The following SHOC1 variants were observed in gnomAD, a reference collection of about 807,000 sequenced individuals.
SHOC1 encodes the protein protein shortage in chiasmata 1 ortholog.
Under a neutral mutation model 179.2 loss-of-function variants are expected in SHOC1, and 136 were observed. The observed-to-expected ratio is 0.76, with a 90% confidence interval of 0.66 to 0.87. The LOEUF is 0.87. Among genes scored for constraint, SHOC1 ranks in the 40% least tolerant of loss-of-function variants. The pLI, the probability that SHOC1 is intolerant of heterozygous loss-of-function variation, is 0.00. For missense variants in SHOC1, 1,538 were observed against 1,700.8 expected (o/e 0.90, Z 1.68); for synonymous variants, 489 against 586.6 (o/e 0.83, Z 2.41).
chr9:111,721,697 A>G (rs2131410641), intron 15 of SHOC1, among the ~76,000 whole-genome samples: 1 of 152,322 alleles, frequency 6.6e-6, no homozygotes, highest in Non-Finnish European at 1.5e-5. Flanking sequence ...GAGGCTCTGC[A>G]CAATTCTATA....
intron 21 of SHOC1, among the ~76,000 whole-genome samples, chr9:111,704,222 GCACGTAA>G (rs1270422502): frequency 3.9e-5 from 6 of 152,118 alleles, no homozygotes; most frequent in African/African-American, 1.4e-4. Context: ...AAATGTTACT[GCACGTAA>G]CACTATTACA....
intron 12 of SHOC1, among the ~76,000 whole-genome samples, chr9:111,730,455 G>A (rs544282043): frequency 1.3e-5 from 2 of 152,322 alleles, no homozygotes; most frequent in South Asian, 4.1e-4. Flanking sequence ...GCTGCAGAAT[G>A]GATGTTGTGT....
intron 12 of SHOC1, among the ~76,000 whole-genome samples, chr9:111,733,453 T>C (rs1182256867): frequency 6.6e-6 from 1 of 152,232 alleles, no homozygotes; most frequent in Non-Finnish European, 1.5e-5. Flanking sequence ...GTCTGTCTAA[T>C]GTGGTAAGCT....
At chr9:111,711,370 G>A (rs1832541691) in intron 18 of SHOC1, among the ~76,000 whole-genome samples, 1 of 152,094 alleles carries the variant, frequency 6.6e-6, no homozygotes, top group African/African-American at 2.4e-5. Context: ...TGGGAAGACG[G>A]GATGAGGCCT....
chr9:111,694,422 T>C (rs1831597837), intron 24 of SHOC1, 60 bp from the exon 25 acceptor site: 1 of 1,254,186 alleles, frequency 8.0e-7, no homozygotes, highest in South Asian at 1.4e-5. Context: ...TATAATATTT[T>C]TTAAACAGTT....
At chr9:111,717,607 A>G (rs1206729222) in intron 16 of SHOC1, among the ~76,000 whole-genome samples, 1 of 152,104 alleles carries the variant, frequency 6.6e-6, no homozygotes, top group Non-Finnish European at 1.5e-5. Flanking sequence ...AAAAAAAAAA[A>G]AAAAGTCTAA....
At chr9:111,688,119 C>T (rs2131298301) in intron 27 of SHOC1, among the ~76,000 whole-genome samples, 1 of 152,258 alleles carries the variant, frequency 6.6e-6, no homozygotes, top group East Asian at 1.9e-4. Context: ...ACAACCAGCT[C>T]TCGAAACAAG....
chr9:111,758,726 C>A lies in SHOC1; in HGVS notation c.565G>T (p.Gly189Ter). The change falls in exon 6 of 28, where the codon GGA becomes TGA. Residue 189 changes from glycine (G) to a stop codon, truncating the protein, a stop_gained. Coordinates refer to ENST00000682961, the MANE Select transcript of SHOC1 (RefSeq NM_001378211.1). LOFTEE classifies it high-confidence loss of function. Reference protein sequence around the residue: ...LVKDPLLDFKGQIFTEANFSR... With the variant: ...LVKDPLLDFK ...AAATTAGCTTCTGTGAAGATCTGTCCTTTGAAATCTAAAAGAGGATCCTTT... is the reference window on the plus strand; with the variant it reads ...AAATTAGCTTCTGTGAAGATCTGTCATTTGAAATCTAAAAGAGGATCCTTT... 1 of 1,591,922 alleles carries A rather than the reference C, an allele frequency of 6.3e-7. No individual in the cohort carries two copies. The highest frequency in any genetic ancestry group is 1.2e-5 in the South Asian group (1 of 86,128).
At chr9:111,719,382 C>A (rs1436446690) in intron 15 of SHOC1, among the ~76,000 whole-genome samples, 1 of 152,068 alleles carries the variant, frequency 6.6e-6, no homozygotes, top group Non-Finnish European at 1.5e-5. Context: ...CAACTGGATA[C>A]CCAAAACCAT....
chr9:111,770,279 T>C (rs762745615), intron 5 of SHOC1, among the ~76,000 whole-genome samples: 5 of 152,164 alleles, frequency 3.3e-5, no homozygotes, highest in Non-Finnish European at 5.9e-5. Flanking sequence ...AACTTTTTCA[T>C]TGGCCATTTA....
intron 16 of SHOC1, among the ~76,000 whole-genome samples, chr9:111,717,798 T>C (rs1005338637): frequency 1.3e-5 from 2 of 152,148 alleles, no homozygotes; most frequent in Admixed American, 1.3e-4. Flanking sequence ...GAAAAGATCT[T>C]ACTCCTTATA....
intron 18 of SHOC1, 43 bp from the exon 19 acceptor site, chr9:111,707,967 T>C (rs756660549): frequency 1.7e-6 from 2 of 1,200,738 alleles, no homozygotes; most frequent in Non-Finnish European, 2.3e-6. Context: ...CTTGTTCAGA[T>C]ACATATTTTT....
chr9:111,772,460 A>G (rs823652), intron 5 of SHOC1, among the ~76,000 whole-genome samples: 122,681 of 152,122 alleles, frequency 0.81, 49,644 homozygotes, highest in East Asian at 0.92. Context: ...ACATTTCCCT[A>G]TTCAGTGTTG....
chr9:111,707,956 TC>T lies in SHOC1; in HGVS notation c.2489-33del, dbSNP rs768472186. On this transcript the variant is annotated intron_variant, in intron 18 of 27. Coordinates refer to ENST00000682961, the MANE Select transcript of SHOC1 (RefSeq NM_001378211.1). ...GAAAAAAGAATAATTTTTTTCAGTG[TC>T]TTGTTCAGATACATATTTTTGGTAT... 11 of 1,329,662 alleles carry T rather than the reference TC, an allele frequency of 8.3e-6. No homozygotes were observed. The East Asian group carries it at 2.8e-4, about 34-fold the overall frequency. The allele number at this position is 1,329,662 out of a possible 1,614,324, so 82.4% of individuals were successfully genotyped here.
chr9:111,741,446 A>G (rs1184943932), intron 11 of SHOC1, 30 bp downstream of exon 11: 2 of 1,251,326 alleles, frequency 1.6e-6, no homozygotes, highest in African/African-American at 3.0e-5. Flanking sequence ...TATACTTTCT[A>G]TTTATCACTT....
intron 18 of SHOC1, among the ~76,000 whole-genome samples, chr9:111,711,553 C>T (rs747196190): frequency 7.9e-5 from 12 of 152,184 alleles, no homozygotes; most frequent in Non-Finnish European, 1.5e-4. Context: ...AAAGTGTCTG[C>T]GAGCCTAATC....
chr9:111,706,422 C>A, intron 20 of SHOC1, 146 bp downstream of exon 20: 1 of 446,672 alleles, frequency 2.2e-6, no homozygotes, highest in South Asian at 5.2e-5. Context: ...AAAGGACTAC[C>A]CCAGGTCACA....
intron 3 of SHOC1, among the ~76,000 whole-genome samples, chr9:111,782,675 C>A (rs1399293753): frequency 6.6e-6 from 1 of 151,912 alleles, no homozygotes; most frequent in Non-Finnish European, 1.5e-5. Flanking sequence ...AATAGTATAC[C>A]CCTTAATAAA....
At chr9:111,748,055 AT>A in intron 9 of SHOC1, 36 bp downstream of exon 9, 1 of 1,351,060 alleles carries the variant, frequency 7.4e-7, no homozygotes, top group South Asian at 1.2e-5. Context: ...TAAATAGGTA[AT>A]CCCCAATAAG....
Sources: gnomAD v4.1 joint callset for allele counts (sites outside exome capture counted in the v4.1 genomes callset) on GRCh38, gnomAD v4.1.1 for gene constraint, MANE v1.5 for transcripts, NCBI Gene and HGNC (gene_info 2026-07-23, HGNC 2026-07-21) for gene names.